The following ITFG1 variants were observed in gnomAD, a reference collection of about 807,000 sequenced individuals.
The protein encoded by ITFG1 is integrin alpha FG-GAP repeat containing 1.
In ITFG1, 34 loss-of-function variants were observed where a neutral mutation model predicts 81.8. The ratio of observed to expected loss-of-function variants is 0.42; its 90% CI spans 0.32 to 0.55. The LOEUF is 0.55. Among genes scored for constraint, ITFG1 ranks in the 20% least tolerant of loss-of-function variants. ITFG1 has a pLI of 0.17. For synonymous variants in ITFG1, 285 were observed against 270.6 expected (o/e 1.05, Z -0.52); for missense variants, 672 against 755.4 (o/e 0.89, Z 1.29).
chr16:47,373,395 G>A (rs1481697674), intron 7 of ITFG1, among the ~76,000 whole-genome samples: 1 of 151,970 alleles, frequency 6.6e-6, no homozygotes, highest in Non-Finnish European at 1.5e-5. Context: ...TGATTCTCTT[G>A]CCTCAGCCTC....
At chr16:47,325,020 C>G (rs1347010655) in intron 8 of ITFG1, among the ~76,000 whole-genome samples, 1 of 152,146 alleles carries the variant, frequency 6.6e-6, no homozygotes, top group Non-Finnish European at 1.5e-5. Flanking sequence ...CCCAAATCAA[C>G]AGAATATACA....
chr16:47,433,124 A>C (rs1969114721), intron 5 of ITFG1, among the ~76,000 whole-genome samples: 3 of 152,184 alleles, frequency 2.0e-5, no homozygotes, highest in African/African-American at 7.2e-5. Flanking sequence ...ATTTTGGAAA[A>C]ACTCAACTAC....
intron 5 of ITFG1, among the ~76,000 whole-genome samples, chr16:47,433,807 A>G (rs973006655): frequency 1.5e-4 from 21 of 143,904 alleles, no homozygotes; most frequent in Non-Finnish European, 9.1e-5. Flanking sequence ...ACACACACAT[A>G]CACACACGTA....
chr16:47,300,676 A>G lies in ITFG1; in HGVS notation c.1070+10564T>C, dbSNP rs191240355. Among the ~76,000 whole-genome samples, 924 of 152,334 alleles carry G rather than the reference A, an allele frequency of 6.1e-3. 4 individuals are homozygous for G. Among genetic ancestry groups the G allele is most frequent in the Non-Finnish European group, 9.0e-3 (612 of 68,024 alleles). On this transcript the variant is annotated intron_variant, in intron 10 of 17. Transcript: ENST00000320640. ...AAATTTGGCTTTAATGATTCTTATA[A>G]TATACCTTAAAATAGAAGGCAGATG...
chr16:47,221,128 G>C (rs1377485690), intron 13 of ITFG1, among the ~76,000 whole-genome samples: 1 of 152,086 alleles, frequency 6.6e-6, no homozygotes, highest in African/African-American at 2.4e-5. Context: ...CCAGAGAAAT[G>C]TCACTATATG....
intron 14 of ITFG1, among the ~76,000 whole-genome samples, chr16:47,207,217 G>A (rs551254952): frequency 3.3e-4 from 50 of 152,148 alleles, no homozygotes; most frequent in African/African-American, 1.2e-3. Context: ...CGAGTAGCTG[G>A]GGCTACAGGC....
Position 47,351,601 on chromosome 16 carries a change from AG to A in ITFG1, c.802+14186del, listed in dbSNP as rs560865875. On this transcript the variant is annotated intron_variant, in intron 8 of 17. Transcript: ENST00000320640. Reference sequence around the variant, plus strand: ...GGAAGAACATTCCATGCTCATGGATAGGAAGAATCAATATCGTGAACATTGC... The same window carrying A: ...GGAAGAACATTCCATGCTCATGGATAGAAGAATCAATATCGTGAACATTGC... Among the ~76,000 whole-genome samples, 33 of 152,366 alleles carry A rather than the reference AG, an allele frequency of 2.2e-4. No homozygotes were observed. The South Asian group carries it at 6.4e-3, about 30-fold the overall frequency.
chr16:47,399,328 C>T (rs949300117), intron 6 of ITFG1, among the ~76,000 whole-genome samples: 2 of 152,216 alleles, frequency 1.3e-5, no homozygotes, highest in Non-Finnish European at 2.9e-5. Flanking sequence ...AATCCCAGCA[C>T]TTTGGGAGGC....
intron 7 of ITFG1, among the ~76,000 whole-genome samples, chr16:47,373,476 T>C (rs1183956270): frequency 6.6e-6 from 1 of 152,146 alleles, no homozygotes; most frequent in Non-Finnish European, 1.5e-5. Flanking sequence ...AGACGGGGTT[T>C]CACCATGTTG....
At chr16:47,278,089 G>A (rs1034156936) in intron 10 of ITFG1, among the ~76,000 whole-genome samples, 2 of 152,162 alleles carry the variant, frequency 1.3e-5, no homozygotes, top group African/African-American at 2.4e-5. Context: ...ATTGTCTAAA[G>A]GGGAGATTAA....
chr16:47,190,330 G>A (rs1965277112), intron 14 of ITFG1, among the ~76,000 whole-genome samples: 2 of 152,074 alleles, frequency 1.3e-5, no homozygotes, highest in Non-Finnish European at 2.9e-5. Context: ...TGCAAGATAG[G>A]TTATTTTTAC....
chr16:47,400,864 C>T (rs1181554404), intron 6 of ITFG1, among the ~76,000 whole-genome samples: 1 of 152,058 alleles, frequency 6.6e-6, no homozygotes, highest in African/African-American at 2.4e-5. Flanking sequence ...CCAGAAAAGG[C>T]CTTGTGCACC....
At chr16:47,308,358 TA>T (rs1967203188) in intron 10 of ITFG1, among the ~76,000 whole-genome samples, 1 of 152,200 alleles carries the variant, frequency 6.6e-6, no homozygotes, top group East Asian at 1.9e-4. Context: ...CCCACAGATG[TA>T]GGCCTTTGTA....
Position 47,451,372 on chromosome 16 carries a change from A to T in ITFG1, c.560+24T>A, listed in dbSNP as rs771251423. 5 of 1,238,828 alleles carry T rather than the reference A, an allele frequency of 4.0e-6. No individual in the cohort carries two copies. In the African/African-American group the frequency reaches 6.0e-5, roughly 15 times the overall value. 76.7% of individuals were successfully genotyped at this position (1,238,828 alleles called of 1,614,324 possible). A position where few individuals can be genotyped will look rare whatever the true frequency, so the allele number is the denominator to read the frequency against. On this transcript the variant is annotated intron_variant, in intron 5 of 17. Coordinates refer to ENST00000320640, the MANE Select transcript of ITFG1 (RefSeq NM_030790.5). The stretch of plus-strand genomic sequence containing the variant: ...AGAAGCAATATATACGATTAATTAC[A>T]TAGTTATAACCATATTTACTCACCC...
At chr16:47,288,140 T>C (rs915661922) in intron 10 of ITFG1, among the ~76,000 whole-genome samples, 7 of 152,230 alleles carry the variant, frequency 4.6e-5, no homozygotes, top group African/African-American at 1.7e-4. Context: ...TAACAACTAT[T>C]CTACTCTCTA....
chr16:47,449,794 A>C (rs2151618039), intron 5 of ITFG1: 1 of 152,330 alleles, frequency 6.6e-6, no homozygotes, highest in East Asian at 1.9e-4. Flanking sequence ...AATTAAGAAC[A>C]AATAAAGAAG....
At chr16:47,404,581 ACTTT>A (rs1246386344) in intron 6 of ITFG1, among the ~76,000 whole-genome samples, 2 of 152,138 alleles carry the variant, frequency 1.3e-5, no homozygotes, top group Non-Finnish European at 2.9e-5. Context: ...TACAAAGGTT[ACTTT>A]CTTTTTATTA....
At chr16:47,255,490 G>A (rs149254850) in intron 12 of ITFG1, among the ~76,000 whole-genome samples, 12 of 152,310 alleles carry the variant, frequency 7.9e-5, no homozygotes, top group African/African-American at 2.9e-4. Flanking sequence ...TCAGCAAACA[G>A]GTCAAGGTGG....
intron 14 of ITFG1, chr16:47,196,347 A>T (rs1302992060): frequency 6.6e-6 from 1 of 151,662 alleles, no homozygotes; most frequent in Admixed American, 6.6e-5. Flanking sequence ...TCTCCTTCTG[A>T]TACTCTAATT....
Sources: gnomAD v4.1 joint callset for allele counts (sites outside exome capture counted in the v4.1 genomes callset) on GRCh38, gnomAD v4.1.1 for gene constraint, MANE v1.5 for transcripts, NCBI Gene and HGNC (gene_info 2026-07-23, HGNC 2026-07-21) for gene names.